Variants in NCAM2 observed in about 807,000 individuals in gnomAD.
The protein encoded by NCAM2 is N-CAM-2.
In NCAM2, 30 loss-of-function variants were observed where a neutral mutation model predicts 98.1. That is an observed-to-expected ratio of 0.31 (90% CI 0.23 to 0.41). The LOEUF is 0.41. NCAM2 is among the 10% of genes least tolerant of loss of function. NCAM2 has a pLI of 1.00. For synonymous variants in NCAM2, 368 were observed against 342.4 expected (o/e 1.07, Z -0.83); for missense variants, 867 against 1,005.8 (o/e 0.86, Z 1.87).
At chr21:21,490,624 A>AT (rs921269227) in intron 15 of NCAM2, among the ~76,000 whole-genome samples, 3 of 151,520 alleles carry the variant, frequency 2.0e-5, no homozygotes, top group Non-Finnish European at 4.4e-5. Context: ...AGCTAGTCTT[A>AT]TTTTTTTTCC....
intron 1 of NCAM2, among the ~76,000 whole-genome samples, chr21:21,263,807 CAGA>C (rs1321721388): frequency 2.0e-5 from 3 of 152,008 alleles, no homozygotes; most frequent in Non-Finnish European, 4.4e-5. Flanking sequence ...TAAACGTATG[CAGA>C]AGAATTAAAC....
intron 1 of NCAM2, among the ~76,000 whole-genome samples, chr21:21,148,417 C>T (rs140684738): frequency 4.9e-4 from 75 of 152,252 alleles, no homozygotes; most frequent in African/African-American, 1.3e-3. Flanking sequence ...GGTAGGGGCA[C>T]GTCTCTTTGA....
chr21:21,339,445 A>G (rs934090620), intron 8 of NCAM2, among the ~76,000 whole-genome samples: 15 of 152,042 alleles, frequency 9.9e-5, no homozygotes, highest in African/African-American at 3.6e-4. Flanking sequence ...TGAACTTCAA[A>G]TACAAACAAA....
At chr21:21,202,408 C>CTTTTTTTTTTT in intron 1 of NCAM2, among the ~76,000 whole-genome samples, 1 of 80,196 alleles carries the variant, frequency 1.2e-5, no homozygotes, top group Non-Finnish European at 2.1e-5. Context: ...AGCAAATATC[C>CTTTTTTTTTTT]TTTTTTTTTT....
At chr21:21,243,310 T>C (rs1300874566) in intron 1 of NCAM2, among the ~76,000 whole-genome samples, 1 of 152,180 alleles carries the variant, frequency 6.6e-6, no homozygotes, top group Non-Finnish European at 1.5e-5. Context: ...CATCTGAGAA[T>C]GAGAGTTACA....
chr21:21,393,044 A>T (rs894205975), intron 9 of NCAM2, among the ~76,000 whole-genome samples: 7 of 151,966 alleles, frequency 4.6e-5, no homozygotes, highest in Admixed American at 3.3e-4. Context: ...GAATGATATT[A>T]TCTAGGTTGC....
intron 1 of NCAM2, among the ~76,000 whole-genome samples, chr21:21,203,422 T>C (rs2069308568): frequency 6.6e-6 from 1 of 152,194 alleles, no homozygotes; most frequent in Non-Finnish European, 1.5e-5. Flanking sequence ...ACCCAGACTT[T>C]CCACACCTGG....
chr21:21,222,997 T>A (rs2070232785), intron 1 of NCAM2, among the ~76,000 whole-genome samples: 1 of 152,170 alleles, frequency 6.6e-6, no homozygotes, highest in Non-Finnish European at 1.5e-5. Context: ...AGCCATGACG[T>A]TGATGCAAAA....
intron 1 of NCAM2, among the ~76,000 whole-genome samples, chr21:21,018,034 G>A (rs187254475): frequency 6.6e-5 from 10 of 152,148 alleles, no homozygotes; most frequent in Admixed American, 3.9e-4. Context: ...AATATTTTAC[G>A]TTATTAGTTC....
intron 1 of NCAM2, among the ~76,000 whole-genome samples, chr21:21,280,238 CT>C (rs1568877669): frequency 2.0e-5 from 3 of 151,552 alleles, no homozygotes; most frequent in Non-Finnish European, 4.4e-5. Context: ...GGGCAAACAT[CT>C]TTTTTTTAGC....
At chr21:21,486,303 CAAAAAA>C (rs67182493) in intron 15 of NCAM2, among the ~76,000 whole-genome samples, 4 of 52,252 alleles carry the variant, frequency 7.7e-5, no homozygotes, top group African/African-American at 1.7e-4. Context: ...GACTCCGTCT[CAAAAAA>C]AAAAAAAAAA....
Position 21,049,277 on chromosome 21 carries a change from G to C in NCAM2, c.55+50659G>C, listed in dbSNP as rs191518007. ...CTCATGATCCACCCGCCTCGGCCTCGCATATTTCCTTTATTTTTGTATATA... is the reference window on the plus strand; with the variant it reads ...CTCATGATCCACCCGCCTCGGCCTCCCATATTTCCTTTATTTTTGTATATA... On this transcript the variant is annotated intron_variant, in intron 1 of 17. Transcript: ENST00000400546. Among the ~76,000 whole-genome samples, 1,375 of 151,654 alleles carry C rather than the reference G, an allele frequency of 9.1e-3. 19 individuals carry two copies. Among genetic ancestry groups the C allele is most frequent in the African/African-American group, 0.032 (1,320 of 41,292 alleles).
At chr21:21,267,910 T>C (rs1001581572) in intron 1 of NCAM2, among the ~76,000 whole-genome samples, 1 of 152,290 alleles carries the variant, frequency 6.6e-6, no homozygotes, top group East Asian at 1.9e-4. Context: ...AGATAGACTC[T>C]TGGTTTAATA....
chr21:21,217,542 C>A (rs555656498), intron 1 of NCAM2, among the ~76,000 whole-genome samples: 21 of 152,074 alleles, frequency 1.4e-4, no homozygotes, highest in Non-Finnish European at 2.4e-4. Flanking sequence ...AGGGAGAATT[C>A]TGAAAGTGGT....
At chr21:21,525,554 C>T (rs1052339172) in intron 16 of NCAM2, among the ~76,000 whole-genome samples, 1 of 152,018 alleles carries the variant, frequency 6.6e-6, no homozygotes, top group Non-Finnish European at 1.5e-5. Flanking sequence ...GCACCAAGCC[C>T]AGACAAGTTC....
At chr21:21,091,250 T>C (rs2066006439) in intron 1 of NCAM2, among the ~76,000 whole-genome samples, 1 of 152,204 alleles carries the variant, frequency 6.6e-6, no homozygotes, top group South Asian at 2.1e-4. Context: ...TATTATGTAA[T>C]TATATAGTTC....
chr21:21,216,717 GGATA>G (rs1484165985), intron 1 of NCAM2, among the ~76,000 whole-genome samples: 1 of 152,174 alleles, frequency 6.6e-6, no homozygotes, highest in East Asian at 1.9e-4. Flanking sequence ...GGGGATTTAA[GGATA>G]GGTAGACATG....
intron 9 of NCAM2, among the ~76,000 whole-genome samples, chr21:21,393,394 A>C (rs955359827): frequency 3.9e-5 from 6 of 152,020 alleles, no homozygotes; most frequent in African/African-American, 1.4e-4. Flanking sequence ...TAAAATGTTT[A>C]ATTTCTATGA....
chr21:21,072,110 C>G (rs2065585176), intron 1 of NCAM2, among the ~76,000 whole-genome samples: 1 of 152,050 alleles, frequency 6.6e-6, no homozygotes, highest in Admixed American at 6.6e-5. Context: ...GATGGGAGTT[C>G]ACCGTGTTAG....
Sources: gnomAD v4.1 joint callset for allele counts (sites outside exome capture counted in the v4.1 genomes callset) on GRCh38, gnomAD v4.1.1 for gene constraint, MANE v1.5 for transcripts, NCBI Gene and HGNC (gene_info 2026-07-23, HGNC 2026-07-21) for gene names.